Variants in NTMT2 observed in about 807,000 individuals in gnomAD.
NTMT2 encodes the protein X-Pro-Lys N-terminal protein methyltransferase 1B.
NTMT2 carries 21 observed loss-of-function variants against 23.4 expected under a neutral mutation model. The observed-to-expected ratio is 0.90, with a 90% CI of 0.64 to 1.29. The LOEUF is 1.29. Ranked by LOEUF, NTMT2 falls within the 50% of genes most tolerant of loss-of-function variation. NTMT2 has a pLI of 0.00. For synonymous variants in NTMT2, 131 were observed against 127.7 expected, an observed-to-expected ratio of 1.03 and a Z score of -0.17; for missense variants, 336 against 352.0, an observed-to-expected ratio of 0.95 and a Z score of 0.36.
At chr1:170,166,898 A>G in intron 3 of NTMT2, 147 bp downstream of exon 3, 2 of 756,638 alleles carry the variant, frequency 2.6e-6, no homozygotes, top group Non-Finnish European at 4.2e-6. Flanking sequence ...ACTCCCACAA[A>G]ACTCTGATCC....
rs552766953 is a variant in NTMT2, at chr1:170,167,718, C to T, written c.813C>T (p.Pro271=). The T allele has an allele frequency of 2.8e-5, 43 of 1,551,214 alleles. No homozygotes were observed. The highest frequency in any genetic ancestry group is 1.8e-4 in the Admixed American group (9 of 50,974). The change falls in exon 4 of 4, where the codon CCC becomes CCT. Residue 271 remains proline (P), a synonymous_variant. Coordinates refer to ENST00000439373, the MANE Select transcript of NTMT2 (RefSeq NM_001136107.2). ...ATGGCTTCCCAGAGCAGTGCATCCCCGTGTGGATGTTCGCACTGCACAGCG... is the reference window on the plus strand; with the variant it reads ...ATGGCTTCCCAGAGCAGTGCATCCCTGTGTGGATGTTCGCACTGCACAGCG... ...KQDGFPEQCI[P]VWMFALHSDR...
chr1:170,154,868 T>C (rs1673136512), intron 1 of NTMT2, among the ~76,000 whole-genome samples: 1 of 152,108 alleles, frequency 6.6e-6, no homozygotes, highest in Non-Finnish European at 1.5e-5. Context: ...AAATCTCATG[T>C]TAAAATATAA....
At position 170,146,080 on chromosome 1, in the gene NTMT2, G is replaced by A; in HGVS notation, c.-28G>A. The A allele has an allele frequency of 6.5e-7, 1 of 1,541,862 alleles. No homozygotes were observed. Among genetic ancestry groups the A allele is most frequent in the Non-Finnish European group, 8.8e-7 (1 of 1,142,554 alleles). On this transcript the variant is annotated 5_prime_UTR_variant, in exon 1 of 4. Transcript: ENST00000439373. ...ACAGCAAGGCAAGCTTCCTTTCTCT[G>A]TAGGAATCATTATTATCCCCCTTTG... is the stretch of plus-strand genomic sequence containing the variant.
intron 1 of NTMT2, among the ~76,000 whole-genome samples, chr1:170,150,497 A>G (rs536571610): frequency 4.6e-5 from 7 of 152,342 alleles, no homozygotes; most frequent in African/African-American, 1.7e-4. Flanking sequence ...GAGTTAAGTA[A>G]CTTGCCAAAG....
rs188709937 is a variant in NTMT2, at chr1:170,155,185, C to G, written c.155-5333C>G. On this transcript the variant is annotated intron_variant, in intron 1 of 3. Transcript: ENST00000439373. The stretch of plus-strand genomic sequence containing the variant: ...ATACCTCTTTTCTTTATAAATTACT[C>G]AGTCTCAGGTGTTTCTTTATAGTAA... Among the ~76,000 whole-genome samples, 353 of 152,256 alleles carry G rather than the reference C, an allele frequency of 2.3e-3. 1 individual carries two copies. The highest frequency in any genetic ancestry group is 7.7e-3 in the African/African-American group (318 of 41,554).
chr1:170,148,471 A>C (rs764010722), intron 1 of NTMT2, among the ~76,000 whole-genome samples: 1 of 152,030 alleles, frequency 6.6e-6, no homozygotes, highest in Non-Finnish European at 1.5e-5. Flanking sequence ...ATCCCAAGCC[A>C]ACATTGCCTT....
chr1:170,166,418 A>G (rs979610515), intron 2 of NTMT2, 84 bp from the exon 3 acceptor site: 18 of 1,455,390 alleles, frequency 1.2e-5, no homozygotes, highest in East Asian at 2.5e-5. Context: ...TGGGATTACA[A>G]GCGTGAGCCA....
chr1:170,160,462 C>A, intron 1 of NTMT2, 56 bp from the exon 2 acceptor site: 1 of 1,353,664 alleles, frequency 7.4e-7, no homozygotes, highest in Non-Finnish European at 9.7e-7. Context: ...ATGCATAAAG[C>A]TGAGATTTTT....
chr1:170,159,632 T>C (rs1264559647), intron 1 of NTMT2, among the ~76,000 whole-genome samples: 5 of 152,152 alleles, frequency 3.3e-5, no homozygotes, highest in Admixed American at 3.3e-4. Flanking sequence ...ATTATGGGTT[T>C]AGTGTTTTAA....
intron 1 of NTMT2, among the ~76,000 whole-genome samples, chr1:170,159,610 A>G (rs1215338179): frequency 1.3e-5 from 2 of 151,400 alleles, no homozygotes; most frequent in African/African-American, 4.8e-5. Flanking sequence ...ATACCCTCTC[A>G]TTTTCCTCAC....
chr1:170,166,540 C>T lies in NTMT2; in HGVS notation c.369C>T (p.Cys123=), dbSNP rs372010040. 8.4e-6 allele frequency: 13 copies of T among 1,552,126 alleles called. No individual in the cohort carries two copies. Among genetic ancestry groups the T allele is most frequent in the African/African-American group, 4.1e-5 (3 of 72,976 alleles). ...GRAGTDCALD[C]GSGIGRVSKH... ...CTGGAACAGACTGCGCCTTGGACTGCGGCTCCGGGATAGGAAGGGTCAGCA... is the reference window on the plus strand; with the variant it reads ...CTGGAACAGACTGCGCCTTGGACTGTGGCTCCGGGATAGGAAGGGTCAGCA... Residue 123 remains cysteine, a synonymous_variant, in exon 3 of 4, where the codon TGC becomes TGT. Coordinates refer to ENST00000439373, the MANE Select transcript of NTMT2 (RefSeq NM_001136107.2).
rs182445059 is a variant in NTMT2, at chr1:170,153,629, T to C, written c.155-6889T>C. 2.2e-3 allele frequency among the ~76,000 whole-genome samples: 337 copies of C among 152,314 alleles called. 4 individuals carry two copies. Among genetic ancestry groups the C allele is most frequent in the Non-Finnish European group, 1.1e-3 (74 of 68,032 alleles). On this transcript the variant is annotated intron_variant, in intron 1 of 3. Coordinates refer to ENST00000439373, the MANE Select transcript of NTMT2 (RefSeq NM_001136107.2). ...AACTTAAGAGTGATGACTTAGCATA[T>C]CTGGTGGAATAAATTTCTAAACAGC...
chr1:170,159,399 C>G (rs1673223493), intron 1 of NTMT2, among the ~76,000 whole-genome samples: 1 of 138,262 alleles, frequency 7.2e-6, no homozygotes, highest in South Asian at 2.3e-4. Flanking sequence ...GTTCTCTGGA[C>G]AGAGTTTTGA....
At chr1:170,153,764 G>A (rs1673114214) in intron 1 of NTMT2, among the ~76,000 whole-genome samples, 1 of 152,248 alleles carries the variant, frequency 6.6e-6, no homozygotes, top group South Asian at 2.1e-4. Context: ...CAGCATAAAA[G>A]TTGAAAATTT....
intron 1 of NTMT2, among the ~76,000 whole-genome samples, chr1:170,157,160 G>A (rs971073978): frequency 2.6e-5 from 4 of 152,182 alleles, no homozygotes; most frequent in Admixed American, 1.3e-4. Flanking sequence ...CACTTGCTGC[G>A]TATACCCTTT....
At chr1:170,161,829 A>G (rs376366477) in intron 2 of NTMT2, among the ~76,000 whole-genome samples, 60 of 152,354 alleles carry the variant, frequency 3.9e-4, no homozygotes, top group Middle Eastern at 3.4e-3. Context: ...ATGGTGGCTC[A>G]TGCCTGTAAT....
intron 2 of NTMT2, among the ~76,000 whole-genome samples, chr1:170,162,116 A>ACAAAG (rs904068332): frequency 2.6e-5 from 4 of 152,112 alleles, no homozygotes; most frequent in Non-Finnish European, 4.4e-5. Context: ...AAACAAACAA[A>ACAAAG]CAAAGCAAAG....
At chr1:170,153,994 C>T (rs947008690) in intron 1 of NTMT2, among the ~76,000 whole-genome samples, 3 of 152,132 alleles carry the variant, frequency 2.0e-5, no homozygotes, top group Admixed American at 6.5e-5. Context: ...GGGGACCAGG[C>T]CCAGGGCCCT....
intron 1 of NTMT2, among the ~76,000 whole-genome samples, chr1:170,150,776 C>G (rs1673052688): frequency 6.6e-6 from 1 of 152,018 alleles, no homozygotes; most frequent in African/African-American, 2.4e-5. Flanking sequence ...CTGTTAGAAG[C>G]TTGGTGTGAA....
Sources: allele counts gnomAD v4.1 joint callset (sites outside exome capture counted in the v4.1 genomes callset), GRCh38; gene constraint gnomAD v4.1.1; transcripts MANE v1.5; gene names NCBI Gene and HGNC (gene_info 2026-07-23, HGNC 2026-07-21).